Variants in PASD1 observed in about 807,000 individuals in gnomAD.
The protein encoded by PASD1 is PAS domain containing repressor 1.
In PASD1, 13 loss-of-function variants were observed where a neutral mutation model predicts 58.8. That is an observed-to-expected ratio of 0.22 (90% CI 0.14 to 0.35). The LOEUF (loss-of-function observed/expected upper bound fraction) is 0.35, where lower values mean the gene tolerates loss of function less well. PASD1 is among the 10% of genes least tolerant of loss of function. The pLI is 1.00. For synonymous variants in PASD1, 236 were observed against 216.7 expected, an observed-to-expected ratio of 1.09 and a Z score of -0.78; for missense variants, 734 against 568.3, an observed-to-expected ratio of 1.29 and a Z score of -2.96.
chrX:151,659,898 G>T, intron 10 of PASD1, 62 bp downstream of exon 10: 1 of 1,096,715 alleles, frequency 9.1e-7, no homozygotes, highest in South Asian at 2.2e-5. Flanking sequence ...CCCCAGGGTA[G>T]TTACAGTTTT....
chrX:151,664,599 C>T (rs1267471555), intron 11 of PASD1, among the ~76,000 whole-genome samples: 5 of 111,915 alleles, frequency 4.5e-5, no homozygotes, highest in Non-Finnish European at 9.4e-5. Flanking sequence ...AATATGAAAT[C>T]CCATGGACAC....
intron 10 of PASD1, among the ~76,000 whole-genome samples, chrX:151,662,589 A>G (rs1195742113): frequency 9.0e-6 from 1 of 111,160 alleles, no homozygotes; most frequent in African/African-American, 3.3e-5. Flanking sequence ...CCATGCAACC[A>G]TATACAACCA....
At chrX:151,653,833 T>A (rs867652950) in intron 9 of PASD1, among the ~76,000 whole-genome samples, 1 of 27,989 alleles carries the variant, frequency 3.6e-5, no homozygotes, top group African/African-American at 8.7e-5. Context: ...CTTCCTTCCT[T>A]CCTTCCTTCC....
intron 10 of PASD1, among the ~76,000 whole-genome samples, chrX:151,662,334 T>C (rs1314295645): frequency 9.0e-6 from 1 of 111,229 alleles, no homozygotes; most frequent in African/African-American, 3.3e-5. Context: ...TGGGGCTCTT[T>C]TAGGTTGGCT....
intron 3 of PASD1, among the ~76,000 whole-genome samples, chrX:151,607,823 A>C (rs1054117495): frequency 4.5e-5 from 5 of 112,009 alleles, no homozygotes; most frequent in Non-Finnish European, 3.8e-5. Flanking sequence ...TTGGATGGAT[A>C]CTGAAGCACC....
chrX:151,584,079 G>T lies in PASD1; in HGVS notation c.-27-17448G>T, dbSNP rs757657244. Among the ~76,000 whole-genome samples, 19 of 111,775 alleles carry T rather than the reference G, an allele frequency of 1.7e-4. No individual in the cohort carries two copies. The South Asian group carries it at 7.3e-3, about 43-fold the overall frequency. On this transcript the variant is annotated intron_variant, in intron 1 of 15. Coordinates refer to ENST00000370357, the MANE Select transcript of PASD1 (RefSeq NM_173493.3). ...TGGAAATTGTGACATAGCTAGAAAT[G>T]TAAGGACCATTAACAATAACTTTGG...
At chrX:151,664,039 A>G (rs1334188766) in intron 10 of PASD1, 80 bp from the exon 11 acceptor site, 1 of 1,162,247 alleles carries the variant, frequency 8.6e-7, no homozygotes, top group African/African-American at 1.8e-5. Flanking sequence ...ATGGGCTAAA[A>G]TGACCCTCGT....
intron 1 of PASD1, among the ~76,000 whole-genome samples, chrX:151,573,777 C>T (rs1287850513): frequency 8.9e-6 from 1 of 111,851 alleles, no homozygotes; most frequent in Non-Finnish European, 1.9e-5. Flanking sequence ...TGGGTAGTTC[C>T]TGGAATTCAG....
chrX:151,620,591 A>G (rs1308109068), intron 4 of PASD1, among the ~76,000 whole-genome samples: 1 of 111,267 alleles, frequency 9.0e-6, no homozygotes, highest in Non-Finnish European at 1.9e-5. Flanking sequence ...CAAATAATAT[A>G]CTGCTTAGTT....
At chrX:151,626,215 G>A (rs759968943) in intron 8 of PASD1, among the ~76,000 whole-genome samples, 2 of 111,395 alleles carry the variant, frequency 1.8e-5, no homozygotes, top group South Asian at 7.5e-4. Flanking sequence ...ACTTTTAAAT[G>A]GTAGAAGAGC....
At chrX:151,616,680 G>T (rs900213494) in intron 4 of PASD1, among the ~76,000 whole-genome samples, 1 of 111,363 alleles carries the variant, frequency 9.0e-6, no homozygotes, top group African/African-American at 3.3e-5. Context: ...TAAAGCAAAT[G>T]AAACTTTTAA....
intron 1 of PASD1, among the ~76,000 whole-genome samples, chrX:151,573,897 G>A (rs1158306909): frequency 8.9e-6 from 1 of 112,285 alleles, no homozygotes; most frequent in Non-Finnish European, 1.9e-5. Flanking sequence ...AAGAACACAT[G>A]TGATTGTAAT....
At chrX:151,582,477 A>G (rs1183853877) in intron 1 of PASD1, among the ~76,000 whole-genome samples, 1 of 110,822 alleles carries the variant, frequency 9.0e-6, no homozygotes, top group Non-Finnish European at 1.9e-5. Flanking sequence ...ATCTAAGAGT[A>G]TCAGCCTTGG....
chrX:151,616,580 C>G (rs2013640434), intron 4 of PASD1, among the ~76,000 whole-genome samples: 2 of 109,862 alleles, frequency 1.8e-5, no homozygotes, highest in South Asian at 7.9e-4. Context: ...TTCTTAGCAG[C>G]CTGCCCTCCT....
chrX:151,653,868 C>CTCCTTCTT (rs1556202852), intron 9 of PASD1, among the ~76,000 whole-genome samples: 7 of 16,464 alleles, frequency 4.3e-4, no homozygotes, highest in African/African-American at 1.1e-3. Flanking sequence ...CCCTCCCTCC[C>CTCCTTCTT]TCTTTCTTTC....
intron 8 of PASD1, among the ~76,000 whole-genome samples, chrX:151,628,012 A>C (rs1188504147): frequency 7.2e-5 from 8 of 111,639 alleles, no homozygotes; most frequent in Non-Finnish European, 1.5e-4. Context: ...TCTTTTGAGA[A>C]GTGTCTGTTC....
intron 1 of PASD1, among the ~76,000 whole-genome samples, chrX:151,573,247 C>A (rs2012953208): frequency 2.7e-5 from 3 of 110,549 alleles, no homozygotes; most frequent in African/African-American, 9.9e-5. Context: ...GCCCCACCCC[C>A]AACCTCGGGG....
rs778836632 is a variant in PASD1 at position 151,621,511 on chromosome X, A to C, written c.337A>C (p.Lys113Gln). The change falls in exon 6 of 16, where the codon AAA becomes CAA. Residue 113 changes from lysine (K) to glutamine (Q), a missense_variant. Coordinates refer to ENST00000370357, the MANE Select transcript of PASD1 (RefSeq NM_173493.3). ...ACATATTGAATTTTGCTGTCATTTAAAAAGAGGAAATGTCGAACATGGTGA... is the reference window on the plus strand; with the variant it reads ...ACATATTGAATTTTGCTGTCATTTACAAAGAGGAAATGTCGAACATGGTGA... ...ETHIEFCCHL[K>Q]RGNVEHGDSS... 8 of 1,204,716 alleles carry C rather than the reference A, an allele frequency of 6.6e-6. No individual in the cohort carries two copies. In the South Asian group the frequency reaches 1.4e-4, roughly 22 times the overall value.
chrX:151,632,119 G>T, intron 8 of PASD1, among the ~76,000 whole-genome samples: 1 of 110,276 alleles, frequency 9.1e-6, no homozygotes, highest in Admixed American at 9.8e-5. Flanking sequence ...GAGGGCCAAG[G>T]GAAAAAAAAT....
Sources: gnomAD v4.1 joint callset for allele counts (sites outside exome capture counted in the v4.1 genomes callset) on GRCh38, gnomAD v4.1.1 for gene constraint, MANE v1.5 for transcripts, NCBI Gene and HGNC (gene_info 2026-07-23, HGNC 2026-07-21) for gene names.